KYNU: variants seen among roughly 807,000 people sequenced by gnomAD.
KYNU encodes kynureninase.
KYNU carries 54 observed loss-of-function variants against 59.2 expected under a neutral mutation model. That is an observed-to-expected ratio of 0.91 (90% CI 0.73 to 1.14). KYNU has a LOEUF of 1.14. Ranked by LOEUF, KYNU falls within the 50% of genes most tolerant of loss-of-function variation. The probability of loss-of-function intolerance (pLI) is 0.00; values close to 1 mark genes in which losing one functional copy is unlikely to be tolerated. For missense variants in KYNU, 567 were observed against 554.4 expected, an observed-to-expected ratio of 1.02 and a Z score of -0.23; for synonymous variants, 177 against 192.0, an observed-to-expected ratio of 0.92 and a Z score of 0.65.
intron 8 of KYNU, 115 bp from the exon 9 acceptor site, chr2:142,984,969 G>C (rs1685156058): frequency 1.3e-6 from 1 of 744,272 alleles, no homozygotes. Context: ...TTGCATCAAA[G>C]AGCAAACCAT....
At chr2:143,031,781 A>G (rs1156677017) in intron 11 of KYNU, among the ~76,000 whole-genome samples, 2 of 152,204 alleles carry the variant, frequency 1.3e-5, no homozygotes, top group African/African-American at 2.4e-5. Context: ...ATGGCCATAT[A>G]TTAGTCTGTT....
intron 4 of KYNU, among the ~76,000 whole-genome samples, chr2:142,939,865 G>C (rs564086657): frequency 6.6e-6 from 1 of 152,288 alleles, no homozygotes; most frequent in African/African-American, 2.4e-5. Flanking sequence ...TAGGACTTGA[G>C]TGAAAGACTT....
chr2:142,950,648 A>G (rs1323237411), intron 4 of KYNU, among the ~76,000 whole-genome samples: 2 of 152,156 alleles, frequency 1.3e-5, no homozygotes, highest in Non-Finnish European at 2.9e-5. Flanking sequence ...ATTCAAGATG[A>G]GATTTGAGTG....
chr2:142,930,274 AT>A (rs1449167142), intron 4 of KYNU, among the ~76,000 whole-genome samples: 1 of 152,218 alleles, frequency 6.6e-6, no homozygotes, highest in Non-Finnish European at 1.5e-5. Flanking sequence ...GAAAATATGA[AT>A]TTTTAAAAAA....
intron 10 of KYNU, among the ~76,000 whole-genome samples, chr2:143,006,506 A>C (rs546745740): frequency 0.012 from 785 of 67,060 alleles, 14 homozygotes; most frequent in African/African-American, 0.05. Context: ...CCCAGGCTTG[A>C]TTAGGTAAAC....
intron 6 of KYNU, among the ~76,000 whole-genome samples, chr2:142,956,988 TAATA>T (rs1418949783): frequency 2.6e-5 from 4 of 152,008 alleles, no homozygotes; most frequent in Non-Finnish European, 2.9e-5. Flanking sequence ...ATAAAGTAAA[TAATA>T]AATAAATAAA....
chr2:142,888,819 T>C (rs189746776), intron 2 of KYNU, among the ~76,000 whole-genome samples: 1 of 149,856 alleles, frequency 6.7e-6, no homozygotes, highest in Admixed American at 6.7e-5. Flanking sequence ...GTCAGAACGG[T>C]TCAGAGAACC....
intron 2 of KYNU, among the ~76,000 whole-genome samples, chr2:142,914,543 T>C (rs1173449382): frequency 6.6e-6 from 1 of 152,184 alleles, no homozygotes; most frequent in African/African-American, 2.4e-5. Flanking sequence ...TTTTACAAAT[T>C]AAAAGTTAGT....
At chr2:142,898,498 G>T (rs1330612991) in intron 2 of KYNU, among the ~76,000 whole-genome samples, 1 of 151,800 alleles carries the variant, frequency 6.6e-6, no homozygotes, top group Non-Finnish European at 1.5e-5. Context: ...AAATTCAATG[G>T]TATTAAAAAC....
At chr2:142,904,784 C>T (rs566377797) in intron 2 of KYNU, among the ~76,000 whole-genome samples, 21 of 152,294 alleles carry the variant, frequency 1.4e-4, no homozygotes, top group East Asian at 9.6e-4. Context: ...GTCCTTTCCA[C>T]GGTGTGTAAC....
Position 143,040,441 on chromosome 2 carries a change from C to T in KYNU, c.1055C>T (p.Ala352Val), listed in dbSNP as rs772449363. The T allele has an allele frequency of 1.3e-5, 21 of 1,611,342 alleles. No individual in the cohort carries two copies. The highest frequency in any genetic ancestry group is 1.2e-4 in the Admixed American group (7 of 59,810). Residue 352 changes from alanine to valine, a missense_variant, in exon 13 of 14, where the codon GCG (alanine) becomes GTG (valine). Coordinates refer to ENST00000264170, the MANE Select transcript of KYNU (RefSeq NM_003937.3). ...LHASLEIFKQATMKALRKKSV... is the reference protein window; with the variant it reads ...LHASLEIFKQVTMKALRKKSV... ...CTCATTCCACAGATCTTTAAGCAAG[C>T]GACAATGAAGGCATTGCGGAAAAAA...
At chr2:142,892,155 C>A (rs1681738278) in intron 2 of KYNU, among the ~76,000 whole-genome samples, 1 of 152,242 alleles carries the variant, frequency 6.6e-6, no homozygotes, top group African/African-American at 2.4e-5. Flanking sequence ...CTCAAGTGAT[C>A]TGCCCATCTC....
chr2:142,995,764 A>C (rs1241401461), intron 10 of KYNU, among the ~76,000 whole-genome samples: 1 of 151,936 alleles, frequency 6.6e-6, no homozygotes, highest in African/African-American at 2.4e-5. Context: ...TGCTTTTGTC[A>C]CTTAGCCATA....
At chr2:143,038,288 A>G (rs1358264268) in intron 12 of KYNU, among the ~76,000 whole-genome samples, 2 of 152,158 alleles carry the variant, frequency 1.3e-5, no homozygotes, top group African/African-American at 2.4e-5. Flanking sequence ...TCTTGGAAAG[A>G]TTCCTCACAT....
chr2:142,952,794 T>C (rs539537129), intron 4 of KYNU, among the ~76,000 whole-genome samples: 10 of 152,310 alleles, frequency 6.6e-5, no homozygotes, highest in African/African-American at 2.4e-4. Context: ...TTCCATTTCT[T>C]GATTTTATTT....
At chr2:142,903,728 T>C (rs1251337373) in intron 2 of KYNU, among the ~76,000 whole-genome samples, 1 of 152,214 alleles carries the variant, frequency 6.6e-6, no homozygotes, top group Admixed American at 6.5e-5. Context: ...GGTTAGTGGC[T>C]TCTGACTCAG....
rs1687231115 is a variant in KYNU at position 143,049,624 on chromosome 2, GT to G, written c.*7455del. The G allele has an allele frequency of 6.6e-6, 1 of 152,098 alleles. No individual in the cohort carries two copies. The highest frequency in any genetic ancestry group is 2.4e-5 in the African/African-American group (1 of 41,410). 9.4% of individuals were successfully genotyped at this position (152,098 alleles called of 1,614,324 possible). On this transcript the variant is annotated 3_prime_UTR_variant, in exon 14 of 14. Transcript: ENST00000264170. ...ATCCCCTTCACTTCCTCTGTTACAG[GT>G]TTCCCTGATGAGCACTCCTTCAATA...
chr2:142,956,415 AT>A (rs1451232222), intron 6 of KYNU, 141 bp downstream of exon 6: 3 of 602,624 alleles, frequency 5.0e-6, no homozygotes, highest in Non-Finnish European at 5.9e-6. Context: ...TTTTGATTAA[AT>A]TTTTTAATAG....
rs1366711314 is a variant in KYNU, at chr2:143,043,903, G to A, written c.*1731G>A. 6.6e-6 allele frequency: 1 copy of A among 150,564 alleles called. No homozygotes were observed. The highest frequency in any genetic ancestry group is 2.4e-5 in the African/African-American group (1 of 40,942). 9.3% of individuals were successfully genotyped at this position (150,564 alleles called of 1,614,324 possible). On this transcript the variant is annotated 3_prime_UTR_variant, in exon 14 of 14. Coordinates refer to ENST00000264170, the MANE Select transcript of KYNU (RefSeq NM_003937.3). Reference sequence around the variant, plus strand: ...CAGAACATGCAGGTTTGTTACATAGGTATACATGTGCCGTGGTGGATTGCT... The same window carrying A: ...CAGAACATGCAGGTTTGTTACATAGATATACATGTGCCGTGGTGGATTGCT...
Sources: gnomAD v4.1 joint callset for allele counts (sites outside exome capture counted in the v4.1 genomes callset) on GRCh38, gnomAD v4.1.1 for gene constraint, MANE v1.5 for transcripts, NCBI Gene and HGNC (gene_info 2026-07-23, HGNC 2026-07-21) for gene names.